Variants in TRMT11 observed in about 807,000 individuals in gnomAD.
TRMT11 encodes tRNA methyltransferase 11.
TRMT11 carries 53 observed loss-of-function variants against 62.8 expected under a neutral mutation model. The observed-to-expected ratio is 0.84, with a 90% CI of 0.68 to 1.06. The LOEUF (loss-of-function observed/expected upper bound fraction) is 1.06, where lower values mean the gene tolerates loss of function less well. Ranked by LOEUF, TRMT11 falls within the 50% of genes least tolerant of loss-of-function variation. TRMT11 has a pLI of 0.00. For synonymous variants in TRMT11, 188 were observed against 190.3 expected, an observed-to-expected ratio of 0.99 and a Z score of 0.10; for missense variants, 556 against 553.4, an observed-to-expected ratio of 1.00 and a Z score of -0.05.
chr6:126,028,058 G>A (rs1389128928), intron 12 of TRMT11, among the ~76,000 whole-genome samples: 1 of 152,112 alleles, frequency 6.6e-6, no homozygotes, highest in Admixed American at 6.5e-5. Context: ...ATTTCCATTA[G>A]ACATTATCCT....
At chr6:126,256,375 T>C in the TRMT11 span, among the ~76,000 whole-genome samples, 1 of 152,174 alleles carries the variant, frequency 6.6e-6, no homozygotes, top group Non-Finnish European at 1.5e-5. Context: ...AATGGTCACA[T>C]CTCTTCCAAA....
chr6:126,205,883 G>A (rs1280589906), downstream of TRMT11, among the ~76,000 whole-genome samples: 2 of 145,162 alleles, frequency 1.4e-5, no homozygotes, highest in African/African-American at 5.2e-5. Flanking sequence ...AAATATGCCT[G>A]CACATGTGAG....
At chr6:126,023,292 C>T (rs1796088719) in intron 12 of TRMT11, among the ~76,000 whole-genome samples, 1 of 151,958 alleles carries the variant, frequency 6.6e-6, no homozygotes, top group Non-Finnish European at 1.5e-5. Context: ...CAGTAGAAGC[C>T]CTCTTATTTA....
rs576532876 is a variant in TRMT11 at position 126,190,473 on chromosome 6, A to C, written n.144-8326A>C. Among the ~76,000 whole-genome samples the C allele has an allele frequency of 2.2e-4, 33 of 152,262 alleles. No homozygotes were observed. In the South Asian group the frequency reaches 6.6e-3, roughly 31 times the overall value. On this transcript the variant is annotated intron_variant and non_coding_transcript_variant, in intron 1 of 3. Transcript: ENST00000444229. ...CCCTTCACCTTCCACCATGACTGTA[A>C]GTTTCCTGAGGCCTCCCATCCATGC...
intron 21 of TRMT11, among the ~76,000 whole-genome samples, chr6:126,151,857 T>TC (rs1562334825): frequency 8.4e-4 from 119 of 140,952 alleles, no homozygotes; most frequent in South Asian, 2.1e-3. Context: ...TTTCTTTCTT[T>TC]CTTTCTTTCC....
At chr6:126,139,840 GT>G (rs1777896555) in intron 21 of TRMT11, among the ~76,000 whole-genome samples, 1 of 151,826 alleles carries the variant, frequency 6.6e-6, no homozygotes, top group Non-Finnish European at 1.5e-5. Flanking sequence ...TTTCTTAGAG[GT>G]TTTTTTGGTA....
intron 17 of TRMT11, among the ~76,000 whole-genome samples, chr6:126,063,373 A>G (rs1776593474): frequency 6.6e-6 from 1 of 152,242 alleles, no homozygotes; most frequent in Non-Finnish European, 1.5e-5. Context: ...AGAAAAACTA[A>G]ATTTCCCTAA....
the TRMT11 span, among the ~76,000 whole-genome samples, chr6:126,219,770 C>T: frequency 2.0e-5 from 3 of 152,200 alleles, no homozygotes; most frequent in African/African-American, 7.2e-5. Flanking sequence ...CACTATATTC[C>T]TTCCACCAAG....
intron 1 of TRMT11, among the ~76,000 whole-genome samples, chr6:126,183,739 A>T (rs925193252): frequency 4.6e-5 from 7 of 151,638 alleles, no homozygotes; most frequent in African/African-American, 1.7e-4. Flanking sequence ...TTCCTACTCT[A>T]TCAGCTCACC....
intron 21 of TRMT11, among the ~76,000 whole-genome samples, chr6:126,127,934 A>T (rs755995331): frequency 1.3e-5 from 2 of 152,048 alleles, no homozygotes; most frequent in Non-Finnish European, 2.9e-5. Context: ...CTATCCTGGG[A>T]TTCTACAGTG....
At chr6:126,057,752 C>T (rs1248753971) in intron 17 of TRMT11, among the ~76,000 whole-genome samples, 5 of 152,188 alleles carry the variant, frequency 3.3e-5, no homozygotes, top group South Asian at 4.1e-4. Context: ...TCAAACACGG[C>T]GTCTGCGTGT....
chr6:126,064,853 A>G (rs915070498), intron 17 of TRMT11, among the ~76,000 whole-genome samples: 6 of 152,204 alleles, frequency 3.9e-5, no homozygotes, highest in South Asian at 4.1e-4. Flanking sequence ...CCACATCTTA[A>G]TCATTTGTTT....
At chr6:126,233,549 G>C in the TRMT11 span, among the ~76,000 whole-genome samples, 3 of 152,142 alleles carry the variant, frequency 2.0e-5, no homozygotes, top group African/African-American at 7.2e-5. Flanking sequence ...TGCAAGGGGA[G>C]GCTAAGAACT....
At chr6:125,991,032 G>T (rs1790533446) in intron 1 of TRMT11, among the ~76,000 whole-genome samples, 1 of 151,836 alleles carries the variant, frequency 6.6e-6, no homozygotes, top group Admixed American at 6.6e-5. Context: ...GGATCACAAG[G>T]TCAGGAGTTC....
At chr6:126,163,841 C>T (rs188172150) in intron 21 of TRMT11, among the ~76,000 whole-genome samples, 31 of 152,026 alleles carry the variant, frequency 2.0e-4, no homozygotes, top group South Asian at 1.5e-3. Flanking sequence ...ATTTTTTATT[C>T]TGTCTATTTG....
chr6:126,249,012 G>A, the TRMT11 span, among the ~76,000 whole-genome samples: 3 of 152,146 alleles, frequency 2.0e-5, no homozygotes, highest in Non-Finnish European at 4.4e-5. Context: ...TTAAATGCCA[G>A]TTTTCAATTT....
intron 17 of TRMT11, among the ~76,000 whole-genome samples, chr6:126,080,043 T>C (rs1354766463): frequency 6.6e-6 from 1 of 152,148 alleles, no homozygotes; most frequent in Non-Finnish European, 1.5e-5. Flanking sequence ...TGCTAGTGTA[T>C]TTTTTTATCT....
chr6:126,003,232 A>G (rs1240135078), intron 7 of TRMT11, among the ~76,000 whole-genome samples: 1 of 152,116 alleles, frequency 6.6e-6, no homozygotes, highest in Admixed American at 6.5e-5. Context: ...GTGGCCTGAT[A>G]CAAACTTGTA....
chr6:126,237,285 G>C, the TRMT11 span, among the ~76,000 whole-genome samples: 1 of 152,054 alleles, frequency 6.6e-6, no homozygotes, highest in African/African-American at 2.4e-5. Context: ...TAGGATCCAG[G>C]GAGGATTTGC....
Sources: gnomAD v4.1 joint callset for allele counts (sites outside exome capture counted in the v4.1 genomes callset) on GRCh38, gnomAD v4.1.1 for gene constraint, MANE v1.5 for transcripts, NCBI Gene and HGNC (gene_info 2026-07-23, HGNC 2026-07-21) for gene names.